The following ADAMTS19 variants were observed in gnomAD, a reference collection of about 807,000 sequenced individuals.
ADAMTS19 encodes the protein ADAM metallopeptidase with thrombospondin type 1 motif 19.
A neutral mutation model predicts 153.3 loss-of-function variants in ADAMTS19; 93 were observed. The observed-to-expected ratio is 0.61, with a 90% confidence interval of 0.51 to 0.72. ADAMTS19 has a LOEUF of 0.72. ADAMTS19 is among the 30% of genes least tolerant of loss of function. The pLI, the probability that ADAMTS19 is intolerant of heterozygous loss-of-function variation, is 0.00. For missense variants in ADAMTS19, 1,482 were observed against 1,552.1 expected, an observed-to-expected ratio of 0.95 and a Z score of 0.76; for synonymous variants, 600 against 556.6, an observed-to-expected ratio of 1.08 and a Z score of -1.10.
intron 8 of ADAMTS19, among the ~76,000 whole-genome samples, chr5:129,613,816 A>G (rs896100062): frequency 6.6e-6 from 1 of 152,162 alleles, no homozygotes; most frequent in African/African-American, 2.4e-5. Flanking sequence ...AAAAGAGAGA[A>G]GAATCAAATA....
chr5:129,464,475 C>T (rs1202646192), intron 2 of ADAMTS19, among the ~76,000 whole-genome samples: 2 of 152,112 alleles, frequency 1.3e-5, no homozygotes, highest in African/African-American at 4.8e-5. Flanking sequence ...CTGTACCTTC[C>T]CTTACCCTCT....
At chr5:129,542,628 G>A (rs1752695827) in intron 6 of ADAMTS19, among the ~76,000 whole-genome samples, 1 of 152,042 alleles carries the variant, frequency 6.6e-6, no homozygotes, top group Admixed American at 6.6e-5. Context: ...GTTTAGGGTA[G>A]GACAGCTATA....
At chr5:129,735,670 A>C (rs1020043926) in intron 22 of ADAMTS19, among the ~76,000 whole-genome samples, 1 of 152,054 alleles carries the variant, frequency 6.6e-6, no homozygotes, top group Non-Finnish European at 1.5e-5. Context: ...TGATATTTAC[A>C]TTGTTTTATG....
chr5:129,701,345 G>A, intron 19 of ADAMTS19, 43 bp from the exon 20 acceptor site: 1 of 1,598,198 alleles, frequency 6.3e-7, no homozygotes, highest in Non-Finnish European at 8.6e-7. Flanking sequence ...AAGTAGATAG[G>A]TATCTTTTAA....
At chr5:129,666,251 T>G (rs1346298605) in intron 16 of ADAMTS19, among the ~76,000 whole-genome samples, 1 of 152,094 alleles carries the variant, frequency 6.6e-6, no homozygotes, top group African/African-American at 2.4e-5. Context: ...TACGTGCTCA[T>G]ATGTTAAAGT....
intron 21 of ADAMTS19, among the ~76,000 whole-genome samples, chr5:129,731,448 G>A (rs1406646620): frequency 6.6e-6 from 1 of 152,066 alleles, no homozygotes; most frequent in Non-Finnish European, 1.5e-5. Context: ...GTGGGATACT[G>A]GGCTTTATCT....
At chr5:129,687,715 G>A (rs943803380) in intron 18 of ADAMTS19, among the ~76,000 whole-genome samples, 1 of 152,078 alleles carries the variant, frequency 6.6e-6, no homozygotes, top group African/African-American at 2.4e-5. Flanking sequence ...AATGACTCAG[G>A]GGTTCAAGTC....
chr5:129,576,257 T>C (rs1349863367), intron 7 of ADAMTS19, among the ~76,000 whole-genome samples: 1 of 152,084 alleles, frequency 6.6e-6, no homozygotes. Context: ...TTTCACTTTT[T>C]CTCTAAACAT....
At chr5:129,569,700 T>C (rs1195011482) in intron 7 of ADAMTS19, among the ~76,000 whole-genome samples, 1 of 152,014 alleles carries the variant, frequency 6.6e-6, no homozygotes, top group Non-Finnish European at 1.5e-5. Flanking sequence ...GTTTGGAAAA[T>C]AACAAATTCT....
intron 13 of ADAMTS19, among the ~76,000 whole-genome samples, chr5:129,652,076 T>G (rs915556253): frequency 6.6e-6 from 1 of 152,150 alleles, no homozygotes; most frequent in Non-Finnish European, 1.5e-5. Context: ...ACACTAAAGC[T>G]GTTAGAAATC....
intron 7 of ADAMTS19, among the ~76,000 whole-genome samples, chr5:129,559,119 C>G (rs1381085561): frequency 6.6e-6 from 1 of 151,938 alleles, no homozygotes; most frequent in Non-Finnish European, 1.5e-5. Context: ...CATACCATTA[C>G]TTTATGTATC....
chr5:129,637,286 A>C lies in ADAMTS19; in HGVS notation c.1771-4573A>C, dbSNP rs144203606. Among the ~76,000 whole-genome samples, 34 of 152,334 alleles carry C rather than the reference A, an allele frequency of 2.2e-4. No individual in the cohort carries two copies. In the East Asian group the frequency reaches 5.6e-3, roughly 25 times the overall value. On this transcript the variant is annotated intron_variant, in intron 10 of 22. Transcript: ENST00000274487. ...ATATAAAAATCATAGATTTTAAGTT[A>C]TTAATGTGCCGAAGTATATTAATTA...
In ADAMTS19 at chr5:129,513,892, T is replaced by C. The variant is rs147908103; in HGVS notation, c.913+4650T>C. Among the ~76,000 whole-genome samples, 439 of 152,200 alleles carry C rather than the reference T, an allele frequency of 2.9e-3. 3 individuals carry two copies. The highest frequency in any genetic ancestry group is 9.9e-3 in the African/African-American group (411 of 41,566). ...AATAGTAGGTCTTATTCATTTTTTC[T>C]AACTTTTTTGTACCCATTAACCATC... On this transcript the variant is annotated intron_variant, in intron 3 of 22. Transcript: ENST00000274487.
intron 8 of ADAMTS19, among the ~76,000 whole-genome samples, chr5:129,615,742 C>A (rs550683074): frequency 3.9e-4 from 59 of 151,926 alleles, no homozygotes; most frequent in Non-Finnish European, 5.3e-4. Flanking sequence ...GAATCAGCAC[C>A]AATTTTGGTT....
intron 18 of ADAMTS19, among the ~76,000 whole-genome samples, chr5:129,688,591 A>T (rs1372857127): frequency 6.6e-6 from 1 of 152,186 alleles, no homozygotes; most frequent in Non-Finnish European, 1.5e-5. Flanking sequence ...AGAGATGAAA[A>T]TTCTCTCTTT....
At chr5:129,562,381 A>C (rs2126845514) in intron 7 of ADAMTS19, among the ~76,000 whole-genome samples, 1 of 152,348 alleles carries the variant, frequency 6.6e-6, no homozygotes, top group Non-Finnish European at 1.5e-5. Flanking sequence ...AGTAAGCGGC[A>C]GTGAATAAAA....
chr5:129,729,188 C>G (rs1757332595), intron 21 of ADAMTS19, among the ~76,000 whole-genome samples: 1 of 152,068 alleles, frequency 6.6e-6, no homozygotes, highest in Admixed American at 6.6e-5. Context: ...TTGCTAAAGG[C>G]AAATAATTAG....
chr5:129,642,153 A>G (rs946785597), intron 11 of ADAMTS19, among the ~76,000 whole-genome samples, 193 bp downstream of exon 11: 2 of 151,808 alleles, frequency 1.3e-5, no homozygotes, highest in Admixed American at 1.3e-4. Flanking sequence ...GTTAATATCA[A>G]TGTGGTGAGG....
At chr5:129,601,057 G>C (rs865931794) in intron 8 of ADAMTS19, among the ~76,000 whole-genome samples, 1 of 152,166 alleles carries the variant, frequency 6.6e-6, no homozygotes, top group African/African-American at 2.4e-5. Context: ...GTTTTTAGTA[G>C]AGACGGGGTT....
Sources: allele counts gnomAD v4.1 joint callset (sites outside exome capture counted in the v4.1 genomes callset), GRCh38; gene constraint gnomAD v4.1.1; transcripts MANE v1.5; gene names NCBI Gene and HGNC (gene_info 2026-07-23, HGNC 2026-07-21).